ECSIT: variants seen among roughly 807,000 people sequenced by gnomAD.
The protein encoded by ECSIT is evolutionarily conserved signaling intermediate in Toll pathway, mitochondrial.
ECSIT carries 29 observed loss-of-function variants against 36.8 expected under a neutral mutation model. The observed-to-expected ratio is 0.79, with a 90% CI of 0.59 to 1.08. The LOEUF (loss-of-function observed/expected upper bound fraction) is 1.08, where lower values mean the gene tolerates loss of function less well. ECSIT is among the 50% of genes least tolerant of loss of function. The pLI, the probability that ECSIT is intolerant of heterozygous loss-of-function variation, is 0.00. For missense variants in ECSIT, 542 were observed against 581.0 expected, an observed-to-expected ratio of 0.93 and a Z score of 0.69; for synonymous variants, 231 against 234.8, an observed-to-expected ratio of 0.98 and a Z score of 0.15.
intron 2 of ECSIT, among the ~76,000 whole-genome samples, chr19:11,517,280 T>TA (rs36093578): frequency 0.13 from 18,304 of 142,756 alleles, 2,909 homozygotes; most frequent in African/African-American, 0.38. Context: ...AAGGCAATGT[T>TA]AAAAAAAAAA....
At position 11,507,990 on chromosome 19, in the gene ECSIT, C is replaced by G. The variant is rs371120884; in HGVS notation, c.796+1G>C. The G allele has an allele frequency of 1.2e-6, 2 of 1,614,038 alleles. No homozygotes were observed. Among genetic ancestry groups the G allele is most frequent in the African/African-American group, 2.7e-5 (2 of 74,910 alleles). ...GGCTGCCCCCATGCTCTCGGACTTA[C>G]CTACGATGTGGGGCTGGGGGGGATC... On this transcript the variant is annotated splice_donor_variant, in intron 5 of 7. Transcript: ENST00000270517. LOFTEE classifies it high-confidence loss of function.
chr19:11,505,990 G>A lies in ECSIT; in HGVS notation c.*194C>T, dbSNP rs1971725393. ...TGAATTCGGAGAACCAGAGGCGCCT[G>A]CAGATTCTGGAGGGGTCTCGCCTGC... On this transcript the variant is annotated 3_prime_UTR_variant, in exon 8 of 8. Transcript: ENST00000270517. 2.0e-6 allele frequency: 2 copies of A among 1,022,748 alleles called. No individual in the cohort carries two copies. The highest frequency in any genetic ancestry group is 2.8e-6 in the Non-Finnish European group (2 of 710,554). 63.4% of individuals were successfully genotyped at this position (1,022,748 alleles called of 1,614,324 possible). A position where few individuals can be genotyped will look rare whatever the true frequency, so the allele number is the denominator to read the frequency against.
intron 4 of ECSIT, among the ~76,000 whole-genome samples, chr19:11,508,383 ATT>A (rs34929827): frequency 5.6e-5 from 7 of 123,980 alleles, no homozygotes; most frequent in Admixed American, 1.6e-4. Flanking sequence ...CTTAATTCCG[ATT>A]TTTTTTTTTT....
At position 11,506,199 on chromosome 19, in the gene ECSIT, CT is replaced by C. The variant is rs561466699; in HGVS notation, c.1280del (p.Gln427ArgfsTer47). On this transcript the variant is annotated frameshift_variant, in exon 8 of 8. Coordinates refer to ENST00000270517, the MANE Select transcript of ECSIT (RefSeq NM_016581.5). LOFTEE classifies it high-confidence loss of function. ...QEEDDNLQRQ[Q>X]QGQS ...CCGGCTCAGACTAGCTCTGGCCCTG[CT>C]GCTGTCGCTGCAGGTTGTCGTCTTC... 51 of 1,605,986 alleles carry C rather than the reference CT, an allele frequency of 3.2e-5. No homozygotes were observed. In the South Asian group the frequency reaches 5.3e-4, roughly 17 times the overall value.
intron 1 of ECSIT, among the ~76,000 whole-genome samples, chr19:11,520,129 G>A (rs1476531006): frequency 6.6e-6 from 1 of 151,924 alleles, no homozygotes; most frequent in African/African-American, 2.4e-5. Context: ...GGAATCACAA[G>A]TGCTCCTTTA....
At chr19:11,509,000 G>A (rs1487773461) in intron 4 of ECSIT, among the ~76,000 whole-genome samples, 1 of 152,140 alleles carries the variant, frequency 6.6e-6, no homozygotes, top group African/African-American at 2.4e-5. Context: ...TGGAGGACAG[G>A]GTGGGAAGGA....
chr19:11,509,815 A>T (rs1279542386), intron 4 of ECSIT, among the ~76,000 whole-genome samples: 1 of 152,072 alleles, frequency 6.6e-6, no homozygotes, highest in Non-Finnish European at 1.5e-5. Context: ...TTCTAGTTGT[A>T]TTAAATGAAA....
At chr19:11,516,542 A>G (rs1362077231) in intron 2 of ECSIT, among the ~76,000 whole-genome samples, 1 of 152,058 alleles carries the variant, frequency 6.6e-6, no homozygotes, top group Non-Finnish European at 1.5e-5. Flanking sequence ...AGTCCCAGCT[A>G]CTCAGGAGGC....
Position 11,514,132 on chromosome 19 carries a change from C to T in ECSIT, c.186G>A (p.Arg62=). ...GCACCAGAGCCTTGGTGGGCCTCTG[C>T]CGGGGTTCCGGTGGGCTGGGAACCA... ...QSLVPSPPEP[R]QRPTKALVPF... Residue 62 remains arginine, a synonymous_variant, in exon 3 of 8, where the codon CGG becomes CGA. Coordinates refer to ENST00000270517, the MANE Select transcript of ECSIT (RefSeq NM_016581.5). 2 of 1,613,962 alleles carry T rather than the reference C, an allele frequency of 1.2e-6. No individual in the cohort carries two copies. The highest frequency in any genetic ancestry group is 1.1e-5 in the South Asian group (1 of 91,076).
intron 1 of ECSIT, among the ~76,000 whole-genome samples, chr19:11,521,551 G>A (rs73514609): frequency 0.12 from 17,684 of 151,080 alleles, 2,661 homozygotes; most frequent in African/African-American, 0.36. Context: ...CAGATCACCT[G>A]AGGCCAGGAG....
intron 4 of ECSIT, among the ~76,000 whole-genome samples, chr19:11,511,140 C>T (rs1203160599): frequency 6.6e-6 from 1 of 152,160 alleles, no homozygotes; most frequent in Non-Finnish European, 1.5e-5. Flanking sequence ...CATCTCAGAA[C>T]CACTGGCTCT....
At chr19:11,507,078 T>C (rs942696713) in intron 7 of ECSIT, among the ~76,000 whole-genome samples, 7 of 152,194 alleles carry the variant, frequency 4.6e-5, no homozygotes, top group Middle Eastern at 3.4e-3. Context: ...CACAGAGTTG[T>C]AGGAGGGAGG....
rs751047232 is a variant in ECSIT, at chr19:11,513,191, C to T, written c.603G>A (p.Lys201=). ...SYPMLKLVRL[K]LWFPRFMNVN... ...CGTTCATGAATCGAGGGAACCACAG[C>T]TTCAGGCGCACCAACTTGAGCATGG... Residue 201 remains lysine, a synonymous_variant, in exon 4 of 8, where the codon AAG becomes AAA. Coordinates refer to ENST00000270517, the MANE Select transcript of ECSIT (RefSeq NM_016581.5). 6.2e-6 allele frequency: 10 copies of T among 1,614,162 alleles called. No individual in the cohort carries two copies. The highest frequency in any genetic ancestry group is 8.5e-6 in the Non-Finnish European group (10 of 1,180,042).
At chr19:11,526,687 C>T (rs1856230835) in intron 1 of ECSIT, among the ~76,000 whole-genome samples, 1 of 151,678 alleles carries the variant, frequency 6.6e-6, no homozygotes, top group South Asian at 2.1e-4. Flanking sequence ...TTCCTGCCTC[C>T]AGTCAGTTCT....
At chr19:11,515,073 A>G (rs1971962784) in intron 2 of ECSIT, among the ~76,000 whole-genome samples, 1 of 150,702 alleles carries the variant, frequency 6.6e-6, no homozygotes, top group Non-Finnish European at 1.5e-5. Context: ...TCCAGGCCTC[A>G]AGTGATCCAC....
chr19:11,507,438 C>T lies in ECSIT; in HGVS notation c.1051+19G>A, dbSNP rs761805525. On this transcript the variant is annotated intron_variant, in intron 7 of 7. Transcript: ENST00000270517. ...TTACGAGCACACATGTGAGCCACCG[C>T]ACCTGGCCCAGTTTTTACCTTCATT... 1 of 1,604,266 alleles carries T rather than the reference C, an allele frequency of 6.2e-7. No individual in the cohort carries two copies. Among genetic ancestry groups the T allele is most frequent in the South Asian group, 1.1e-5 (1 of 90,886 alleles).
chr19:11,507,711 C>CG lies in ECSIT; in HGVS notation c.935dup (p.Glu313GlyfsTer35). Reference sequence around the variant, plus strand: ...TGCTTTAAGCCCTCACCCTCTCCTCCGGGGGCAGCAAGTCAGCTCTGAGGA... The same window carrying CG: ...TGCTTTAAGCCCTCACCCTCTCCTCCGGGGGGCAGCAAGTCAGCTCTGAGGA... On this transcript the variant is annotated frameshift_variant, in exon 6 of 8. Transcript: ENST00000270517. LOFTEE classifies it high-confidence loss of function. 6.2e-7 allele frequency: 1 copy of CG among 1,614,098 alleles called. No individual in the cohort carries two copies.
intron 1 of ECSIT, chr19:11,522,395 A>C (rs1972124050): frequency 9.4e-7 from 1 of 1,066,778 alleles, no homozygotes; most frequent in Admixed American, 1.8e-5. Flanking sequence ...CTGGCCGTCA[A>C]GCAGTTCCAA....
rs1568403591 is a variant in ECSIT, at chr19:11,514,223, T to TACTCACGCGGCCAGCC, written c.97-3_97-2insGGCTGGCCGCGTGAGT. 6.3e-7 allele frequency: 1 copy of TACTCACGCGGCCAGCC among 1,597,698 alleles called. No homozygotes were observed. The highest frequency in any genetic ancestry group is 8.5e-7 in the Non-Finnish European group (1 of 1,172,110). On this transcript the variant is annotated splice_polypyrimidine_tract_variant and splice_region_variant and intron_variant, in intron 2 of 7. Coordinates refer to ENST00000270517, the MANE Select transcript of ECSIT (RefSeq NM_016581.5). ...GCCCCGAGGGAGCCGGCGAGGGACC[T>TACTCACGCGGCCAGCC]GGGGAGGGAGGAGAACTGCTGGAAT...
Sources: allele counts gnomAD v4.1 joint callset (sites outside exome capture counted in the v4.1 genomes callset), GRCh38; gene constraint gnomAD v4.1.1; transcripts MANE v1.5; gene names NCBI Gene and HGNC (gene_info 2026-07-23, HGNC 2026-07-21).